F8: variants seen among roughly 807,000 people sequenced by gnomAD.
F8 encodes the protein antihemophilic factor.
Under a neutral mutation model 140.6 loss-of-function variants are expected in F8, and 12 were observed. That is an observed-to-expected ratio of 0.09 (90% CI 0.05 to 0.14). The LOEUF is 0.14. Ranked by LOEUF, F8 falls within the 10% of genes least tolerant of loss-of-function variation. The pLI is 1.00. For synonymous variants in F8, 585 were observed against 614.6 expected (o/e 0.95, Z 0.71); for missense variants, 1,354 against 1,720.7 (o/e 0.79, Z 3.77).
rs2073459962 is a variant in F8, at chrX:154,972,220, C to T, written c.788-2668G>A. On this transcript the variant is annotated intron_variant, in intron 6 of 25. Transcript: ENST00000360256. The stretch of plus-strand genomic sequence containing the variant: ...GTCTTTTTTATAATAGTCATTCTAA[C>T]AGGGGTAAGTGATATCTCATTGTAG... Among the ~76,000 whole-genome samples the T allele has an allele frequency of 2.7e-5, 3 of 111,876 alleles. No individual in the cohort carries two copies. The Admixed American group carries it at 2.8e-4, about 11-fold the overall frequency.
intron 6 of F8, among the ~76,000 whole-genome samples, chrX:154,981,428 G>T (rs1557283548): frequency 9.2e-6 from 1 of 108,121 alleles, no homozygotes; most frequent in East Asian, 2.9e-4. Context: ...CCGGAAAGAA[G>T]ACAATAGAAG....
chrX:154,957,721 A>G (rs1378130657), intron 10 of F8, among the ~76,000 whole-genome samples: 1 of 109,606 alleles, frequency 9.1e-6, no homozygotes, highest in Admixed American at 9.8e-5. Context: ...CGCCATCTCT[A>G]CTAAAAATAC....
Position 154,906,290 on chromosome X carries a change from G to A in F8, c.5373+130C>T, listed in dbSNP as rs34988082. ...GAAAAATACATAGGAAAAATAGAAC[G>A]TACACAAAGATAATTATGGAATTAT... On this transcript the variant is annotated intron_variant, in intron 15 of 25. Coordinates refer to ENST00000360256, the MANE Select transcript of F8 (RefSeq NM_000132.4). 160 of 547,627 alleles carry A rather than the reference G, an allele frequency of 2.9e-4. No homozygotes were observed. The East Asian group carries it at 4.7e-3, about 16-fold the overall frequency. The allele number at this position is 547,627 out of a possible 1,213,427, so 45.1% of individuals were successfully genotyped here. A position where few individuals can be genotyped will look rare whatever the true frequency, so the allele number is the denominator to read the frequency against.
intron 18 of F8, among the ~76,000 whole-genome samples, chrX:154,903,496 G>T (rs1471296320): frequency 3.6e-5 from 4 of 111,682 alleles, no homozygotes; most frequent in African/African-American, 1.3e-4. Flanking sequence ...ATTTTAAAGG[G>T]ACAGTGAAGA....
chrX:154,837,790 A>G, intron 25 of F8, 38 bp from the exon 26 acceptor site: 3 of 1,175,302 alleles, frequency 2.6e-6, no homozygotes. Flanking sequence ...GTTGTCTGAC[A>G]GGACAATGGT....
intron 3 of F8, among the ~76,000 whole-genome samples, chrX:154,995,528 C>T (rs948578673): frequency 3.6e-5 from 4 of 112,083 alleles, no homozygotes; most frequent in African/African-American, 1.3e-4. Context: ...ATGGGTTGAA[C>T]CTAGTTTTCC....
At chrX:154,942,768 A>G (rs1448680869) in intron 13 of F8, among the ~76,000 whole-genome samples, 10 of 107,723 alleles carry the variant, frequency 9.3e-5, no homozygotes, top group Non-Finnish European at 9.7e-5. Context: ...AAAATCCTCA[A>G]TAAAATACTG....
At chrX:154,920,544 C>T (rs111471170) in intron 14 of F8, among the ~76,000 whole-genome samples, 1 of 110,439 alleles carries the variant, frequency 9.1e-6, no homozygotes, top group Admixed American at 9.7e-5. Context: ...CTTGACCCCC[C>T]CAGGCTCAAG....
chrX:154,937,976 A>G (rs2073233413), intron 13 of F8, among the ~76,000 whole-genome samples: 1 of 111,661 alleles, frequency 9.0e-6, no homozygotes, highest in South Asian at 3.7e-4. Flanking sequence ...GAATTATACT[A>G]ACAAATATTA....
intron 4 of F8, among the ~76,000 whole-genome samples, chrX:154,988,922 C>T (rs2073573261): frequency 8.9e-6 from 1 of 112,074 alleles, no homozygotes; most frequent in African/African-American, 3.2e-5. Flanking sequence ...TCCTTGGCTA[C>T]CGCAGCTGGC....
chrX:154,878,917 G>A (rs1488590890), intron 22 of F8, among the ~76,000 whole-genome samples: 2 of 112,012 alleles, frequency 1.8e-5, no homozygotes, highest in African/African-American at 6.5e-5. Flanking sequence ...AAATACTTAG[G>A]AATAAATTCA....
intron 22 of F8, among the ~76,000 whole-genome samples, chrX:154,867,708 A>G (rs368671702): frequency 0.023 from 2,368 of 103,992 alleles, 26 homozygotes; most frequent in Middle Eastern, 0.058. Context: ...AAAAAAAAAA[A>G]AAAGAAAGAA....
intron 14 of F8, among the ~76,000 whole-genome samples, chrX:154,912,765 CT>C (rs2073074961): frequency 8.9e-6 from 1 of 112,034 alleles, no homozygotes; most frequent in Admixed American, 9.4e-5. Context: ...GTTTAATTGA[CT>C]TACAGTTCCA....
At chrX:154,991,818 G>C (rs782221619) in intron 4 of F8, among the ~76,000 whole-genome samples, 13 of 111,122 alleles carry the variant, frequency 1.2e-4, no homozygotes, top group African/African-American at 3.6e-4. Context: ...TCCTTTTTTT[G>C]AATCACATTC....
At chrX:154,900,725 A>C (rs782491489) in intron 20 of F8, among the ~76,000 whole-genome samples, 4 of 111,797 alleles carry the variant, frequency 3.6e-5, no homozygotes, top group Admixed American at 9.5e-5. Flanking sequence ...TAGGTTGGCA[A>C]ACTTTTTCTG....
At chrX:154,860,707 C>T (rs2072684338) in intron 24 of F8, 99 bp from the exon 25 acceptor site, 2 of 846,022 alleles carry the variant, frequency 2.4e-6, no homozygotes, top group Non-Finnish European at 3.5e-6. Flanking sequence ...TCTCACTCTA[C>T]TTTCTTTTTT....
chrX:154,866,313 C>G (rs1244244351), intron 22 of F8, among the ~76,000 whole-genome samples: 1 of 111,338 alleles, frequency 9.0e-6, no homozygotes, highest in Admixed American at 9.6e-5. Context: ...TTCAATACTC[C>G]ACTCTCTATA....
intron 6 of F8, among the ~76,000 whole-genome samples, chrX:154,979,231 G>A (rs190763961): frequency 3.6e-5 from 4 of 111,788 alleles, no homozygotes; most frequent in Admixed American, 1.9e-4. Context: ...GCTATGGATC[G>A]CATGGCCAGT....
At chrX:155,016,756 C>A (rs1252410671) in intron 1 of F8, among the ~76,000 whole-genome samples, 3 of 112,541 alleles carry the variant, frequency 2.7e-5, no homozygotes, top group Non-Finnish European at 5.6e-5. Context: ...GTGGGAGAGA[C>A]TCATTAAAAA....
Sources: gnomAD v4.1 joint callset for allele counts (sites outside exome capture counted in the v4.1 genomes callset) on GRCh38, gnomAD v4.1.1 for gene constraint, MANE v1.5 for transcripts, NCBI Gene and HGNC (gene_info 2026-07-23, HGNC 2026-07-21) for gene names.